Variants in SLC5A10 observed in about 807,000 individuals in gnomAD.
The protein encoded by SLC5A10 is sodium/mannose cotransporter SLC5A10.
A neutral mutation model predicts 68.9 loss-of-function variants in SLC5A10; 55 were observed. That is an observed-to-expected ratio of 0.80 (90% CI 0.64 to 1.00). The LOEUF (loss-of-function observed/expected upper bound fraction) is 1.00, where lower values mean the gene tolerates loss of function less well. SLC5A10 is among the 50% of genes least tolerant of loss of function. The pLI is 0.00. For missense variants in SLC5A10, 732 were observed against 819.3 expected (o/e 0.89, Z 1.30); for synonymous variants, 344 against 344.8 (o/e 1.00, Z 0.02).
chr17:19,016,172 A>G lies in SLC5A10; in HGVS notation c.1241+973A>G, dbSNP rs368229490. Among the ~76,000 whole-genome samples, 48 of 151,450 alleles carry G rather than the reference A, an allele frequency of 3.2e-4. No individual in the cohort carries two copies. The East Asian group carries it at 6.8e-3, about 22-fold the overall frequency. ...GAGATTCTCGTGTCTCAGCCTCTTG[A>G]GTAGCTGGGATTGCAGGAGCGCACC... On this transcript the variant is annotated intron_variant, in intron 11 of 14. Coordinates refer to ENST00000395645, the MANE Select transcript of SLC5A10 (RefSeq NM_001042450.4).
In SLC5A10 at chr17:18,968,817, C is replaced by T; in HGVS notation, c.454-235C>T. The T allele has an allele frequency of 1.9e-6, 1 of 532,100 alleles. No homozygotes were observed. The allele number at this position is 532,100 out of a possible 1,614,324, so 33.0% of individuals were successfully genotyped here. A position where few individuals can be genotyped will look rare whatever the true frequency, so the allele number is the denominator to read the frequency against. ...TGGGAAAGGCATTGGCCACTTTGGACTTTATTAGCAACAGTAATGTCCCCT... is the reference window on the plus strand; with the variant it reads ...TGGGAAAGGCATTGGCCACTTTGGATTTTATTAGCAACAGTAATGTCCCCT... On this transcript the variant is annotated intron_variant, in intron 5 of 14. Transcript: ENST00000395645. This position sits in a 1 kb window ranked among gnomAD's most constrained non-coding sequence, Gnocchi z 4.1.
intron 11 of SLC5A10, 30 bp from the exon 12 acceptor site, chr17:19,019,393 G>T: frequency 1.3e-6 from 2 of 1,595,134 alleles, no homozygotes; most frequent in South Asian, 1.1e-5. Context: ...CTCCCACGAC[G>T]ACCGCTGCCT....
chr17:19,012,185 CATCCCTACGT>C (rs59775075), intron 9 of SLC5A10, among the ~76,000 whole-genome samples: 9,424 of 152,226 alleles, frequency 0.062, 960 homozygotes, highest in African/African-American at 0.21. Flanking sequence ...CAACTCTCTT[CATCCCTACGT>C]ATCACTAGGC....
Position 19,016,076 on chromosome 17 carries a change from C to T in SLC5A10, c.1241+877C>T, listed in dbSNP as rs978639512. On this transcript the variant is annotated intron_variant, in intron 11 of 14. Transcript: ENST00000395645. ...CTTTTTTTTTTTTTTGAGACAGTCT[C>T]GTTTTGTCACCCAGGCTGGAGTGCA... Among the ~76,000 whole-genome samples the T allele has an allele frequency of 8.0e-5, 12 of 150,512 alleles. 1 individual carries two copies. The highest frequency in any genetic ancestry group is 7.9e-4 in the Admixed American group (12 of 15,098).
At chr17:18,961,712 G>A (rs1057075567) in intron 5 of SLC5A10, among the ~76,000 whole-genome samples, 1 of 152,120 alleles carries the variant, frequency 6.6e-6, no homozygotes, top group African/African-American at 2.4e-5. Flanking sequence ...GGGCTACCTG[G>A]GAAGAGGGCC....
intron 11 of SLC5A10, among the ~76,000 whole-genome samples, chr17:19,016,758 C>T (rs1197957039): frequency 1.3e-5 from 2 of 152,212 alleles, no homozygotes; most frequent in African/African-American, 4.8e-5. Flanking sequence ...ACTTCTCCCC[C>T]TCTGGCTCCC....
intron 2 of SLC5A10, 152 bp downstream of exon 2, chr17:18,958,905 C>A: frequency 1.1e-6 from 1 of 923,260 alleles, no homozygotes; most frequent in Non-Finnish European, 1.6e-6. Context: ...GGGCATAGGG[C>A]TGAGCTGCTA....
chr17:18,994,780 G>C (rs1263464062), intron 9 of SLC5A10, among the ~76,000 whole-genome samples: 1 of 152,192 alleles, frequency 6.6e-6, no homozygotes, highest in African/African-American at 2.4e-5. Context: ...AGACATGTGA[G>C]GCTTTAAGGG....
At chr17:18,980,889 G>T (rs2043113796) in intron 9 of SLC5A10, among the ~76,000 whole-genome samples, 1 of 152,156 alleles carries the variant, frequency 6.6e-6, no homozygotes, top group Non-Finnish European at 1.5e-5. Context: ...TTCCTGACTG[G>T]TCTGCCTGCA....
At chr17:18,960,768 A>C in intron 5 of SLC5A10, 116 bp downstream of exon 5, 3 of 1,035,630 alleles carry the variant, frequency 2.9e-6, no homozygotes, top group Non-Finnish European at 2.9e-6. Flanking sequence ...AGCTGGGCAA[A>C]TTGAGGCCCA....
rs1567803123 is a variant in SLC5A10 at position 18,996,499 on chromosome 17, A to C, written c.983-16911A>C. Among the ~76,000 whole-genome samples, 1 of 152,148 alleles carries C rather than the reference A, an allele frequency of 6.6e-6. No individual in the cohort carries two copies. Among genetic ancestry groups the C allele is most frequent in the Non-Finnish European group, 1.5e-5 (1 of 68,014 alleles). ...GCCACCTCCTGGCAATCTCCAAACC[A>C]GTTTGCCCATATAATGTCTCTGAAA... On this transcript the variant is annotated intron_variant, in intron 9 of 14. Transcript: ENST00000395645. This position sits in a 1 kb window ranked among gnomAD's most constrained non-coding sequence, Gnocchi z 4.4.
chr17:19,020,408 T>C lies in SLC5A10; in HGVS notation c.1768T>C (p.Phe590Leu), dbSNP rs1228207995. 2 of 1,613,890 alleles carry C rather than the reference T, an allele frequency of 1.2e-6. No homozygotes were observed. The highest frequency in any genetic ancestry group is 1.7e-6 in the Non-Finnish European group (2 of 1,180,032). The change falls in exon 15 of 15, where the codon TTC (phenylalanine) becomes CTC (leucine). Residue 590 changes from phenylalanine to leucine, a missense_variant. Transcript: ENST00000395645. ...NAILLMCVNI[F>L]FYAYFA is the part of the protein sequence containing the mutation. Reference sequence around the variant, plus strand: ...CATCCTCCTCATGTGTGTCAACATATTCTTTTATGCCTACTTCGCCTGACA... The same window carrying C: ...CATCCTCCTCATGTGTGTCAACATACTCTTTTATGCCTACTTCGCCTGACA...
intron 7 of SLC5A10, chr17:18,970,789 A>C: frequency 1.8e-6 from 1 of 567,582 alleles, no homozygotes; most frequent in South Asian, 2.2e-5. Flanking sequence ...ATGCTTACTT[A>C]ATAGTATTAT....
At chr17:18,952,128 C>A, upstream of SLC5A10, 1 of 1,532,130 alleles carries the variant, frequency 6.5e-7, no homozygotes. Flanking sequence ...CAATGAGCTC[C>A]CTGCCAGGAA....
chr17:18,970,406 A>G (rs1395810847), intron 7 of SLC5A10: 2 of 155,656 alleles, frequency 1.3e-5, no homozygotes, highest in East Asian at 1.9e-4. Flanking sequence ...ACCCCGAGGT[A>G]GACAGGAACA....
Position 18,960,550 on chromosome 17 carries a change from C to G in SLC5A10, c.351C>G (p.Ile117Met). The change falls in exon 5 of 15, where the codon ATC (isoleucine) becomes ATG (methionine). Residue 117 changes from isoleucine (I) to methionine (M), a missense_variant and splice_region_variant. By Grantham distance (10) the Ile-to-Met change is conservative. Coordinates refer to ENST00000395645, the MANE Select transcript of SLC5A10 (RefSeq NM_001042450.4). ...CCCCTACCCATGTGCCTTCCCAGATCGTCACCTTACCTGAGTACATTCAGA... is the reference window on the plus strand; with the variant it reads ...CCCCTACCCATGTGCCTTCCCAGATGGTCACCTTACCTGAGTACATTCAGA... ...VFVPIYISSE[I>M]VTLPEYIQKR... The G allele has an allele frequency of 6.2e-7, 1 of 1,613,992 alleles. No homozygotes were observed. The highest frequency in any genetic ancestry group is 8.5e-7 in the Non-Finnish European group (1 of 1,179,904).
chr17:18,977,520 CGAGCTCTT>C, intron 9 of SLC5A10: 1 of 1,490,476 alleles, frequency 6.7e-7, no homozygotes, highest in Non-Finnish European at 9.1e-7. Flanking sequence ...GACAACAGCT[CGAGCTCTT>C]GGGTGGCTGG....
chr17:19,003,382 A>G lies in SLC5A10; in HGVS notation c.983-10028A>G. On this transcript the variant is annotated intron_variant, in intron 9 of 14. Coordinates refer to ENST00000395645, the MANE Select transcript of SLC5A10 (RefSeq NM_001042450.4). The surrounding 1 kb of genome is among the most constrained non-coding windows in gnomAD (Gnocchi z 4.5). ...GAAGGTGGGGAGGAAACCTCCACCCAAGAGGCAGCCAGGGAAAACAGCAGA... is the reference window on the plus strand; with the variant it reads ...GAAGGTGGGGAGGAAACCTCCACCCGAGAGGCAGCCAGGGAAAACAGCAGA... 2.1e-6 allele frequency: 2 copies of G among 960,698 alleles called. No homozygotes were observed. The highest frequency in any genetic ancestry group is 2.8e-6 in the Non-Finnish European group (2 of 709,940). 59.5% of individuals were successfully genotyped at this position (960,698 alleles called of 1,614,324 possible).
Position 18,971,541 on chromosome 17 carries a change from C to T in SLC5A10, c.846+323C>T, listed in dbSNP as rs1366256889. ...TCGGTCATGGGGCGGGCATTTTGGG[C>T]CAGTCTTGGGCTGCCGGGATCCGGA... On this transcript the variant is annotated intron_variant, in intron 8 of 14. Transcript: ENST00000395645. This position sits in a 1 kb window ranked among gnomAD's most constrained non-coding sequence, Gnocchi z 5.5. 4 of 1,613,792 alleles carry T rather than the reference C, an allele frequency of 2.5e-6. No homozygotes were observed. The Admixed American group carries it at 6.7e-5, about 27-fold the overall frequency.
Sources: gnomAD v4.1 joint callset for allele counts (sites outside exome capture counted in the v4.1 genomes callset) on GRCh38, gnomAD v4.1.1 for gene constraint, Gnocchi (gnomAD v3.1) non-coding constraint, MANE v1.5 for transcripts, NCBI Gene and HGNC (gene_info 2026-07-23, HGNC 2026-07-21) for gene names.